Variants in AUTS2 observed in about 807,000 individuals in gnomAD.
AUTS2 encodes the protein autism susceptibility gene 2 protein.
Under a neutral mutation model 112.4 loss-of-function variants are expected in AUTS2, and 17 were observed. The ratio of observed to expected loss-of-function variants is 0.15; its 90% CI spans 0.10 to 0.23. The LOEUF is 0.23. Among genes scored for constraint, AUTS2 ranks in the 10% least tolerant of loss-of-function variants. The pLI is 1.00. For missense variants in AUTS2, 1,510 were observed against 1,701.6 expected (o/e 0.89, Z 1.98); for synonymous variants, 751 against 702.7 (o/e 1.07, Z -1.09).
intron 4 of AUTS2, among the ~76,000 whole-genome samples, chr7:70,308,814 G>C (rs1230747353): frequency 1.3e-5 from 2 of 152,034 alleles, no homozygotes; most frequent in Non-Finnish European, 2.9e-5. Flanking sequence ...CAAATATGTA[G>C]GTGAAGTGCA....
chr7:70,599,133 A>C (rs562893178), intron 5 of AUTS2, among the ~76,000 whole-genome samples: 1 of 152,184 alleles, frequency 6.6e-6, no homozygotes, highest in African/African-American at 2.4e-5. Flanking sequence ...TGCTGGTTGC[A>C]CAATGCAGAT....
At chr7:69,963,079 C>T (rs953898906) in intron 2 of AUTS2, among the ~76,000 whole-genome samples, 23 of 152,128 alleles carry the variant, frequency 1.5e-4, no homozygotes, top group African/African-American at 5.5e-4. Flanking sequence ...CCCATTTTAA[C>T]AGTAAACTGT....
intron 4 of AUTS2, among the ~76,000 whole-genome samples, chr7:70,355,458 A>G (rs1455541594): frequency 6.6e-6 from 1 of 152,018 alleles, no homozygotes; most frequent in Non-Finnish European, 1.5e-5. Context: ...ACCCCCTCAA[A>G]TGTCTTCCAG....
intron 6 of AUTS2, among the ~76,000 whole-genome samples, chr7:70,715,872 C>T (rs1810337737): frequency 6.6e-6 from 1 of 152,158 alleles, no homozygotes; most frequent in South Asian, 2.1e-4. Flanking sequence ...GTCCTCTTCC[C>T]CTTTTCTCTG....
At chr7:70,496,022 C>CA (rs1225574835) in intron 5 of AUTS2, among the ~76,000 whole-genome samples, 1 of 114,512 alleles carries the variant, frequency 8.7e-6, no homozygotes, top group Non-Finnish European at 1.9e-5. Context: ...CACACACACC[C>CA]CCCCCACACA....
At chr7:69,845,757 A>G (rs1792168351) in intron 1 of AUTS2, among the ~76,000 whole-genome samples, 1 of 152,056 alleles carries the variant, frequency 6.6e-6, no homozygotes, top group Admixed American at 6.6e-5. Flanking sequence ...TGGAGGTGAG[A>G]CGAGTTTGTC....
intron 2 of AUTS2, among the ~76,000 whole-genome samples, chr7:70,069,859 T>C (rs1312755055): frequency 6.6e-6 from 1 of 152,138 alleles, no homozygotes; most frequent in Non-Finnish European, 1.5e-5. Flanking sequence ...CATCCTGTTA[T>C]ATAATAGGAA....
intron 2 of AUTS2, among the ~76,000 whole-genome samples, chr7:69,903,912 A>G (rs1243067124): frequency 3.3e-5 from 5 of 152,192 alleles, no homozygotes; most frequent in Admixed American, 2.0e-4. Flanking sequence ...AGGAATAAAA[A>G]TTTGCTCTTC....
chr7:70,434,153 G>A (rs1259505606), intron 4 of AUTS2, among the ~76,000 whole-genome samples: 1 of 152,122 alleles, frequency 6.6e-6, no homozygotes, highest in Non-Finnish European at 1.5e-5. Context: ...TGTTTACTGG[G>A]GAGACAAAAT....
intron 6 of AUTS2, among the ~76,000 whole-genome samples, chr7:70,726,146 T>TC (rs1354219344): frequency 6.6e-6 from 1 of 152,178 alleles, no homozygotes; most frequent in Non-Finnish European, 1.5e-5. Context: ...TTCTTTTTTT[T>TC]CATGTTTTAA....
At chr7:69,780,237 T>C (rs1043988392) in intron 1 of AUTS2, among the ~76,000 whole-genome samples, 3 of 152,382 alleles carry the variant, frequency 2.0e-5, no homozygotes, top group Admixed American at 6.5e-5. Context: ...ATTCTTAATT[T>C]ATCAAGTTTA....
At chr7:70,182,851 C>A (rs1809391510) in intron 4 of AUTS2, among the ~76,000 whole-genome samples, 1 of 152,098 alleles carries the variant, frequency 6.6e-6, no homozygotes, top group South Asian at 2.1e-4. Context: ...AACCAGCTTC[C>A]ATTCTCATCT....
intron 11 of AUTS2, among the ~76,000 whole-genome samples, chr7:70,773,180 TCTC>T (rs1279831238): frequency 1.3e-5 from 2 of 152,086 alleles, no homozygotes; most frequent in African/African-American, 4.8e-5. Flanking sequence ...TTCCCCCCCT[TCTC>T]CTTGTAGGCA....
intron 4 of AUTS2, among the ~76,000 whole-genome samples, chr7:70,368,361 C>G (rs565498998): frequency 3.2e-4 from 49 of 152,098 alleles, no homozygotes; most frequent in African/African-American, 1.1e-3. Flanking sequence ...CCTATGATGT[C>G]AGAGAAAAGA....
At chr7:69,918,031 C>G (rs895398623) in intron 2 of AUTS2, among the ~76,000 whole-genome samples, 5 of 152,018 alleles carry the variant, frequency 3.3e-5, no homozygotes, top group Admixed American at 1.3e-4. Context: ...TTAGTAGAGA[C>G]AGGGTTTCAC....
intron 1 of AUTS2, among the ~76,000 whole-genome samples, chr7:69,855,475 C>G (rs1195599316): frequency 3.9e-5 from 6 of 152,146 alleles, no homozygotes; most frequent in African/African-American, 1.4e-4. Context: ...GCCCTTGTTA[C>G]TGTATCCTCT....
intron 4 of AUTS2, among the ~76,000 whole-genome samples, chr7:70,367,710 A>T (rs919891595): frequency 6.6e-6 from 1 of 152,206 alleles, no homozygotes; most frequent in Non-Finnish European, 1.5e-5. Flanking sequence ...GATATCTAGG[A>T]AGCAGTAGTT....
At chr7:70,577,310 G>A (rs1802212373) in intron 5 of AUTS2, among the ~76,000 whole-genome samples, 1 of 152,222 alleles carries the variant, frequency 6.6e-6, no homozygotes, top group Non-Finnish European at 1.5e-5. Context: ...TTATAAATAA[G>A]TGGTTAAGTG....
At chr7:69,934,025 T>G (rs1047075062) in intron 2 of AUTS2, among the ~76,000 whole-genome samples, 7 of 152,226 alleles carry the variant, frequency 4.6e-5, no homozygotes, top group African/African-American at 7.2e-5. Context: ...AGGTCTAGTT[T>G]AGAGATTTAT....
Sources: allele counts gnomAD v4.1 joint callset (sites outside exome capture counted in the v4.1 genomes callset), GRCh38; gene constraint gnomAD v4.1.1; transcripts MANE v1.5; gene names NCBI Gene and HGNC (gene_info 2026-07-23, HGNC 2026-07-21).